MICAL3: variants seen among roughly 807,000 people sequenced by gnomAD.
MICAL3 encodes [F-actin]-monooxygenase MICAL3.
A neutral mutation model predicts 207.4 loss-of-function variants in MICAL3; 62 were observed. The ratio of observed to expected loss-of-function variants is 0.30; its 90% CI spans 0.24 to 0.37. The LOEUF (loss-of-function observed/expected upper bound fraction) is 0.37. Ranked by LOEUF, MICAL3 falls within the 10% of genes least tolerant of loss-of-function variation. The pLI, the probability that MICAL3 is intolerant of heterozygous loss-of-function variation, is 1.00. For missense variants in MICAL3, 2,368 were observed against 2,635.6 expected, an observed-to-expected ratio of 0.90 and a Z score of 2.22; for synonymous variants, 1,077 against 1,069.3, an observed-to-expected ratio of 1.01 and a Z score of -0.14.
At chr22:17,865,650 G>C (rs1251635916) in intron 18 of MICAL3, among the ~76,000 whole-genome samples, 1 of 152,214 alleles carries the variant, frequency 6.6e-6, no homozygotes, top group African/African-American at 2.4e-5. Flanking sequence ...TGTTGACGAA[G>C]GCAGATGTCT....
intron 3 of MICAL3, among the ~76,000 whole-genome samples, chr22:17,904,129 G>A (rs113409711): frequency 7.9e-5 from 12 of 152,296 alleles, no homozygotes; most frequent in South Asian, 2.1e-4. Flanking sequence ...TGCCATTAAC[G>A]GCCAGGCCAG....
chr22:17,848,077 G>A lies in MICAL3; in HGVS notation c.2606-6060C>T, dbSNP rs868793977. On this transcript the variant is annotated intron_variant, in intron 19 of 31. Coordinates refer to ENST00000441493, the MANE Select transcript of MICAL3 (RefSeq NM_015241.3). ...CCATGAACCCATTCTGAACCGCAAC[G>A]TCTCAGGGGAGATGTAAGGAAGAGA... Among the ~76,000 whole-genome samples, 5 of 152,198 alleles carry A rather than the reference G, an allele frequency of 3.3e-5. No homozygotes were observed. In the East Asian group the frequency reaches 7.7e-4, roughly 23 times the overall value.
chr22:17,819,280 A>G (rs1921283237), intron 25 of MICAL3, among the ~76,000 whole-genome samples, 151 bp from the exon 26 acceptor site: 1 of 152,172 alleles, frequency 6.6e-6, no homozygotes, highest in Non-Finnish European at 1.5e-5. Flanking sequence ...AGCTCCAGGA[A>G]AACCCTTTCC....
chr22:17,872,228 A>G (rs960057855), intron 16 of MICAL3, among the ~76,000 whole-genome samples: 8 of 152,246 alleles, frequency 5.3e-5, no homozygotes, highest in African/African-American at 1.9e-4. Context: ...CCACGCACTG[A>G]CAGAGAACAC....
intron 29 of MICAL3, among the ~76,000 whole-genome samples, chr22:17,804,364 C>G (rs1009998265): frequency 6.6e-6 from 1 of 152,182 alleles, no homozygotes; most frequent in African/African-American, 2.4e-5. Context: ...CCAGGAATTC[C>G]CACGACCCCA....
rs556775825 is a variant in MICAL3 at position 17,794,082 on chromosome 22, G to C, written c.5651-2781C>G. On this transcript the variant is annotated intron_variant, in intron 29 of 31. Coordinates refer to ENST00000441493, the MANE Select transcript of MICAL3 (RefSeq NM_015241.3). ...ATCCAGCTCTGGCAGCATCACAGAGGGGGCGGGGGGCCAGAGCCACAGTGT... is the reference window on the plus strand; with the variant it reads ...ATCCAGCTCTGGCAGCATCACAGAGCGGGCGGGGGGCCAGAGCCACAGTGT... 2.0e-4 allele frequency among the ~76,000 whole-genome samples: 30 copies of C among 152,336 alleles called. No individual in the cohort carries two copies. The South Asian group carries it at 5.2e-3, about 26-fold the overall frequency.
chr22:17,877,061 T>G (rs1169965435), intron 16 of MICAL3, among the ~76,000 whole-genome samples: 3 of 142,398 alleles, frequency 2.1e-5, no homozygotes, highest in Admixed American at 7.2e-5. Context: ...TTAGGGAGGT[T>G]ATGGAGGTTA....
intron 1 of MICAL3, among the ~76,000 whole-genome samples, chr22:17,969,744 C>G (rs185614884): frequency 1.5e-3 from 227 of 152,342 alleles, no homozygotes; most frequent in African/African-American, 5.0e-3. Context: ...GCCGATGCTG[C>G]TAGCCAGAAC....
At position 17,861,735 on chromosome 22, in the gene MICAL3, G is replaced by A. The variant is rs1926534163; in HGVS notation, c.2605+3164C>T. 3.0e-6 allele frequency: 3 copies of A among 985,336 alleles called. No homozygotes were observed. In the South Asian group the frequency reaches 1.4e-4, roughly 46 times the overall value. The allele number at this position is 985,336 out of a possible 1,614,324, so 61.0% of individuals were successfully genotyped here. A position where few individuals can be genotyped will look rare whatever the true frequency, so the allele number is the denominator to read the frequency against. ...TAGTAAGTATAAGCTTGGAAACACAGCATTCATAGATTTAAGAACAAAAAA... is the reference window on the plus strand; with the variant it reads ...TAGTAAGTATAAGCTTGGAAACACAACATTCATAGATTTAAGAACAAAAAA... On this transcript the variant is annotated intron_variant, in intron 19 of 31. Coordinates refer to ENST00000441493, the MANE Select transcript of MICAL3 (RefSeq NM_015241.3).
At chr22:17,861,462 T>C in intron 19 of MICAL3, 1 of 985,472 alleles carries the variant, frequency 1.0e-6, no homozygotes, top group Non-Finnish European at 1.2e-6. Flanking sequence ...AGCTCTTCTG[T>C]TCCTTTCCGG....
At position 17,902,582 on chromosome 22, in the gene MICAL3, A is replaced by C; in HGVS notation, c.589+49T>G. 8.9e-7 allele frequency: 1 copy of C among 1,122,148 alleles called. No individual in the cohort carries two copies. The highest frequency in any genetic ancestry group is 1.3e-6 in the Non-Finnish European group (1 of 759,654). 69.5% of individuals were successfully genotyped at this position (1,122,148 alleles called of 1,614,324 possible). On this transcript the variant is annotated intron_variant, in intron 4 of 31. Transcript: ENST00000441493. This position sits in a 1 kb window ranked among gnomAD's most constrained non-coding sequence, Gnocchi z 4.5. ...TTGCTCCCTCAATCTCATCTTCCTC[A>C]CCCATCAACACCCTCTCACGCCTTC...
chr22:17,968,335 G>A (rs566812125), intron 1 of MICAL3, among the ~76,000 whole-genome samples: 37 of 152,254 alleles, frequency 2.4e-4, no homozygotes, highest in Non-Finnish European at 4.3e-4. Context: ...GCCCTACTGA[G>A]GGGACACTCA....
intron 11 of MICAL3, 27 bp downstream of exon 11, chr22:17,893,781 T>C: frequency 1.3e-6 from 2 of 1,519,136 alleles, no homozygotes; most frequent in Non-Finnish European, 1.8e-6. Flanking sequence ...GCTGCCTGCA[T>C]TTTAAAAAGC....
At chr22:17,829,660 T>G (rs1922581023) in intron 21 of MICAL3, among the ~76,000 whole-genome samples, 2 of 152,200 alleles carry the variant, frequency 1.3e-5, no homozygotes, top group South Asian at 4.1e-4. Flanking sequence ...CATGCAGCCT[T>G]GGGGACTTAT....
chr22:18,002,243 G>C (rs972352513), intron 1 of MICAL3, among the ~76,000 whole-genome samples: 1 of 152,110 alleles, frequency 6.6e-6, no homozygotes, highest in Non-Finnish European at 1.5e-5. Flanking sequence ...GTTGCTCTTA[G>C]TTGCCGCAAA....
chr22:17,896,313 T>A lies in MICAL3; in HGVS notation c.1255A>T (p.Met419Leu). The A allele has an allele frequency of 6.4e-7, 1 of 1,561,604 alleles. No homozygotes were observed. Among genetic ancestry groups the A allele is most frequent in the Non-Finnish European group, 8.7e-7 (1 of 1,152,340 alleles). ...TGIARGFLAA[M>L]DSAWMVRSWS... ...CTTCGGACCATCCAGGCAGAGTCCA[T>A]AGCAGCTAGAAAGCCCCGGGCTATT... Residue 419 changes from methionine to leucine, a missense_variant, in exon 9 of 32, where the codon ATG becomes TTG. This residue lies in a region of MICAL3 where 400 missense variants were observed against 547.0 expected (regional missense o/e 0.73). Coordinates refer to ENST00000441493, the MANE Select transcript of MICAL3 (RefSeq NM_015241.3).
intron 1 of MICAL3, among the ~76,000 whole-genome samples, chr22:17,925,901 A>G (rs1932912223): frequency 6.6e-6 from 1 of 152,202 alleles, no homozygotes; most frequent in African/African-American, 2.4e-5. Flanking sequence ...TTTCAAAAAT[A>G]CTGTACAAAA....
At chr22:17,875,307 C>G (rs990237113) in intron 16 of MICAL3, 2 of 482,066 alleles carry the variant, frequency 4.1e-6, no homozygotes, top group Admixed American at 9.0e-5. Context: ...AGGCAAACAG[C>G]AACACATGCA....
intron 1 of MICAL3, among the ~76,000 whole-genome samples, chr22:18,012,096 A>G (rs892356960): frequency 1.3e-5 from 2 of 151,056 alleles, no homozygotes; most frequent in Non-Finnish European, 3.0e-5. Flanking sequence ...TTAGCCAGGT[A>G]TGGTGGCGGG....
Sources: allele counts gnomAD v4.1 joint callset (sites outside exome capture counted in the v4.1 genomes callset), GRCh38; gene constraint gnomAD v4.1.1; regional missense constraint gnomAD v4.1.1; non-coding constraint Gnocchi (gnomAD v3.1); transcripts MANE v1.5; gene names NCBI Gene and HGNC (gene_info 2026-07-23, HGNC 2026-07-21).